Variants in ADCY4 observed in about 807,000 individuals in gnomAD.
ADCY4 encodes adenylate cyclase 4.
A neutral mutation model predicts 125.5 loss-of-function variants in ADCY4; 111 were observed. That is an observed-to-expected ratio of 0.88 (90% CI 0.76 to 1.04). The LOEUF is 1.04. ADCY4 is among the 50% of genes least tolerant of loss of function. ADCY4 has a pLI of 0.00. For missense variants in ADCY4, 1,256 were observed against 1,382.9 expected (o/e 0.91, Z 1.46); for synonymous variants, 576 against 586.9 (o/e 0.98, Z 0.27).
rs992636419 is a variant in ADCY4 at position 24,319,035 on chromosome 14, G to A, written c.2956+63C>T. On this transcript the variant is annotated intron_variant, in intron 23 of 24. Coordinates refer to ENST00000418030, the MANE Select transcript of ADCY4 (RefSeq NM_001198568.2). This position sits in a 1 kb window ranked among gnomAD's most constrained non-coding sequence, Gnocchi z 4.5. ...CTGGGAGCAGCTAACAAAGGACTTGGAGTGGGGCAAGCTCAGGAAGGTGAG... is the reference window on the plus strand; with the variant it reads ...CTGGGAGCAGCTAACAAAGGACTTGAAGTGGGGCAAGCTCAGGAAGGTGAG... The A allele has an allele frequency of 6.3e-7, 1 of 1,578,230 alleles. No homozygotes were observed. Among genetic ancestry groups the A allele is most frequent in the African/African-American group, 1.3e-5 (1 of 74,162 alleles).
Position 24,329,249 on chromosome 14 carries a change from GGCTGAC to G in ADCY4, c.1351-21_1351-16del. On this transcript the variant is annotated splice_polypyrimidine_tract_variant and intron_variant, in intron 9 of 24. Transcript: ENST00000418030. The stretch of plus-strand genomic sequence containing the variant: ...TCCTCCTCTGCCTGGGGCACATAAG[GGCTGAC>G]AGTAAAGACCACAGACACTTCCTCC... 6.2e-7 allele frequency: 1 copy of G among 1,612,582 alleles called. No individual in the cohort carries two copies. The highest frequency in any genetic ancestry group is 8.5e-7 in the Non-Finnish European group (1 of 1,179,096).
At position 24,330,263 on chromosome 14, in the gene ADCY4, C is replaced by T; in HGVS notation, c.963G>A (p.Gly321=). The change falls in exon 7 of 25, where the codon GGG becomes GGA. Residue 321 remains glycine, a synonymous_variant. Transcript: ENST00000418030. The part of the protein sequence containing the change: ...EHECMRIKIL[G]DCYYCVSGLP... Reference sequence around the variant, plus strand: ...GCCCAGAGACACAGTAGTAACAGTCCCCCAGGATCTTGATCCGCATGCATT... The same window carrying T: ...GCCCAGAGACACAGTAGTAACAGTCTCCCAGGATCTTGATCCGCATGCATT... 1 of 1,614,122 alleles carries T rather than the reference C, an allele frequency of 6.2e-7. No individual in the cohort carries two copies. Among genetic ancestry groups the T allele is most frequent in the East Asian group, 2.2e-5 (1 of 44,880 alleles).
chr14:24,329,829 T>C, intron 8 of ADCY4, 31 bp downstream of exon 8: 1 of 1,599,764 alleles, frequency 6.3e-7, no homozygotes, highest in Non-Finnish European at 8.5e-7. Flanking sequence ...GTTGGCCTTC[T>C]GCTGTAGCTG....
Position 24,331,283 on chromosome 14 carries a change from T to G in ADCY4, c.743A>C (p.Gln248Pro). The G allele has an allele frequency of 6.2e-7, 1 of 1,614,178 alleles. No individual in the cohort carries two copies. The highest frequency in any genetic ancestry group is 8.5e-7 in the Non-Finnish European group (1 of 1,180,024). The change falls in exon 5 of 25, where the codon CAG becomes CCG. Residue 248 changes from glutamine (Q) to proline (P), a missense_variant. Gln to Pro is a moderately conservative substitution (Grantham distance 76). Coordinates refer to ENST00000418030, the MANE Select transcript of ADCY4 (RefSeq NM_001198568.2). ...CTCTGGCCGTGACCCCTGTCCTGCC[T>G]GCAGCCGTGCCATGATCTCTGCCTT... ...EMKAEIMARL[Q>P]AGQGSRPEST...
chr14:24,325,753 C>T (rs2041931917), intron 13 of ADCY4, 65 bp downstream of exon 13: 3 of 1,543,330 alleles, frequency 1.9e-6, no homozygotes, highest in Admixed American at 1.9e-5. Context: ...CAAGGGCTGA[C>T]CCCTCCCCAG....
At position 24,323,801 on chromosome 14, in the gene ADCY4, A is replaced by G. The variant is rs537236850; in HGVS notation, c.2046+261T>C. The stretch of plus-strand genomic sequence containing the variant: ...TAGGAATGAGTCTAAATCCTGAAGA[A>G]TCAGCCAAGTGATCTAAGTAATAAG... On this transcript the variant is annotated intron_variant, in intron 16 of 24. Coordinates refer to ENST00000418030, the MANE Select transcript of ADCY4 (RefSeq NM_001198568.2). The G allele has an allele frequency of 1.1e-5, 5 of 462,112 alleles. No homozygotes were observed. The South Asian group carries it at 4.6e-4, about 43-fold the overall frequency. 28.6% of individuals were successfully genotyped at this position (462,112 alleles called of 1,614,324 possible).
At chr14:24,320,866 C>A (rs1027713800) in intron 20 of ADCY4, among the ~76,000 whole-genome samples, 10 of 152,090 alleles carry the variant, frequency 6.6e-5, no homozygotes, top group Non-Finnish European at 1.2e-4. Context: ...ATTAAAATTT[C>A]ATATGGCTAA....
At position 24,324,049 on chromosome 14, in the gene ADCY4, C is replaced by A. The variant is rs746812550; in HGVS notation, c.2046+13G>T. Reference sequence around the variant, plus strand: ...GCCCTCATGGGGGTGGATAGGGCCCCCTCTGTCCTCACCAGGCTGGTAATG... The same window carrying A: ...GCCCTCATGGGGGTGGATAGGGCCCACTCTGTCCTCACCAGGCTGGTAATG... On this transcript the variant is annotated intron_variant, in intron 16 of 24. Coordinates refer to ENST00000418030, the MANE Select transcript of ADCY4 (RefSeq NM_001198568.2). 3.1e-6 allele frequency: 5 copies of A among 1,613,244 alleles called. No homozygotes were observed. The highest frequency in any genetic ancestry group is 1.3e-5 in the African/African-American group (1 of 75,056).
At chr14:24,333,504 C>T (rs2042083807) in intron 1 of ADCY4, among the ~76,000 whole-genome samples, 1 of 152,188 alleles carries the variant, frequency 6.6e-6, no homozygotes, top group Non-Finnish European at 1.5e-5. Flanking sequence ...GCTGGGATTA[C>T]AGGCGTGAGC....
At chr14:24,323,908 T>C (rs1268663576) in intron 16 of ADCY4, among the ~76,000 whole-genome samples, 154 bp downstream of exon 16, 1 of 152,268 alleles carries the variant, frequency 6.6e-6, no homozygotes, top group Non-Finnish European at 1.5e-5. Flanking sequence ...GGTAGATTGC[T>C]GGAGACTGTA....
chr14:24,322,328 A>AC (rs2041865374), intron 19 of ADCY4, 104 bp from the exon 20 acceptor site: 1 of 1,327,210 alleles, frequency 7.5e-7, no homozygotes, highest in African/African-American at 1.5e-5. Context: ...CCCCCACCCC[A>AC]CCCCCAGTTT....
intron 10 of ADCY4, 110 bp from the exon 11 acceptor site, chr14:24,326,452 C>T (rs1328341822): frequency 3.8e-6 from 5 of 1,314,430 alleles, no homozygotes; most frequent in Non-Finnish European, 5.4e-6. Flanking sequence ...TTGGGCATTT[C>T]ACTGGGCTCT....
At chr14:24,324,611 T>C (rs1220072157) in intron 14 of ADCY4, among the ~76,000 whole-genome samples, 2 of 151,934 alleles carry the variant, frequency 1.3e-5, no homozygotes, top group African/African-American at 2.4e-5. Context: ...GGGACCCATA[T>C]GGTGGGGAGT....
Position 24,322,234 on chromosome 14 carries a change from G to T in ADCY4, c.2428-10C>A. The stretch of plus-strand genomic sequence containing the variant: ...GGCAGTAGTACTCATTCTGGGGAGG[G>T]TCACCCGGGGCCATGGGGAGACACA... On this transcript the variant is annotated splice_polypyrimidine_tract_variant and intron_variant, in intron 19 of 24. Coordinates refer to ENST00000418030, the MANE Select transcript of ADCY4 (RefSeq NM_001198568.2). The T allele has an allele frequency of 1.2e-6, 2 of 1,608,086 alleles. No homozygotes were observed. Among genetic ancestry groups the T allele is most frequent in the Non-Finnish European group, 1.7e-6 (2 of 1,175,916 alleles).
chr14:24,329,828 C>G lies in ADCY4; in HGVS notation c.1217+32G>C, dbSNP rs748056920. 1.9e-6 allele frequency: 3 copies of G among 1,599,034 alleles called. No homozygotes were observed. In the East Asian group the frequency reaches 6.7e-5, roughly 36 times the overall value. ...GCCTGTGGTAGGCCTGGTTGGCCTTCTGCTGTAGCTGCCTAGGGCCCTAGG... is the reference window on the plus strand; with the variant it reads ...GCCTGTGGTAGGCCTGGTTGGCCTTGTGCTGTAGCTGCCTAGGGCCCTAGG... On this transcript the variant is annotated intron_variant, in intron 8 of 24. Transcript: ENST00000418030.
At position 24,323,474 on chromosome 14, in the gene ADCY4, T is replaced by G; in HGVS notation, c.2047-20A>C. On this transcript the variant is annotated intron_variant, in intron 16 of 24. Coordinates refer to ENST00000418030, the MANE Select transcript of ADCY4 (RefSeq NM_001198568.2). ...GAAGAACTGCAGAGGAGATGAGGAG[T>G]TGAAGAGGCAGGTAGCTTCTTGGGC... 2.6e-6 allele frequency: 4 copies of G among 1,549,618 alleles called. No homozygotes were observed. Among genetic ancestry groups the G allele is most frequent in the Non-Finnish European group, 3.5e-6 (4 of 1,145,826 alleles).
At position 24,322,153 on chromosome 14, in the gene ADCY4, C is replaced by G; in HGVS notation, c.2499G>C (p.Thr833=). The G allele has an allele frequency of 1.2e-6, 2 of 1,614,174 alleles. No homozygotes were observed. Among genetic ancestry groups the G allele is most frequent in the Non-Finnish European group, 1.7e-6 (2 of 1,180,022 alleles). Residue 833 remains threonine, a synonymous_variant, in exon 20 of 25, where the codon ACG becomes ACC. Transcript: ENST00000418030. The stretch of plus-strand genomic sequence containing the variant: ...AGAGCAGCCGAGTCAGGTTCTCCAT[C>G]GTCTCTGTCTCCTCCCTCTCCTGCC... ...KLRQEREETE[T]MENLTRLLLE...
chr14:24,322,090 G>T lies in ADCY4; in HGVS notation c.2562C>A (p.Phe854Leu). The T allele has an allele frequency of 6.2e-7, 1 of 1,613,914 alleles. No individual in the cohort carries two copies. The highest frequency in any genetic ancestry group is 8.5e-7 in the Non-Finnish European group (1 of 1,179,792). ...CCTCGTTGCGCCGGTTCTGGCCAAT[G>T]AACTGGGGGGCCACGTGTGCAGGGA... ...NVLPAHVAPQFIGQNRRNEDL... is the reference protein window; with the variant it reads ...NVLPAHVAPQLIGQNRRNEDL... Residue 854 changes from phenylalanine to leucine, a missense_variant, in exon 20 of 25, where the codon TTC becomes TTA. Physicochemically the swap from Phe to Leu is conservative, Grantham distance 22. Transcript: ENST00000418030.
intron 17 of ADCY4, 48 bp from the exon 18 acceptor site, chr14:24,323,136 G>A (rs2041882509): frequency 6.3e-7 from 1 of 1,591,592 alleles, no homozygotes; most frequent in Non-Finnish European, 8.6e-7. Flanking sequence ...CATAGGCAGA[G>A]GGGGGACACC....
Sources: allele counts gnomAD v4.1 joint callset (sites outside exome capture counted in the v4.1 genomes callset), GRCh38; gene constraint gnomAD v4.1.1; non-coding constraint Gnocchi (gnomAD v3.1); transcripts MANE v1.5; gene names NCBI Gene and HGNC (gene_info 2026-07-23, HGNC 2026-07-21).